ALK: variants seen among roughly 807,000 people sequenced by gnomAD.
ALK encodes the protein ALK tyrosine kinase receptor.
In ALK, 74 loss-of-function variants were observed where a neutral mutation model predicts 163.1. The observed-to-expected ratio is 0.45, with a 90% confidence interval of 0.38 to 0.55. The LOEUF is 0.55. Ranked by LOEUF, ALK falls within the 20% of genes least tolerant of loss-of-function variation. The pLI, the probability that ALK is intolerant of heterozygous loss-of-function variation, is 0.00. For missense variants in ALK, 2,063 were observed against 2,105.3 expected (o/e 0.98, Z 0.39); for synonymous variants, 960 against 843.2 (o/e 1.14, Z -2.40).
chr2:29,853,928 G>A (rs1194336776), intron 1 of ALK, among the ~76,000 whole-genome samples: 1 of 136,876 alleles, frequency 7.3e-6, no homozygotes, highest in African/African-American at 2.7e-5. Context: ...TTTTTTTCCT[G>A]AGACAGAGTC....
chr2:29,399,694 C>T (rs980060741), intron 4 of ALK, among the ~76,000 whole-genome samples: 69 of 152,234 alleles, frequency 4.5e-4, no homozygotes, highest in African/African-American at 1.6e-3. Context: ...GGAGCCTGAC[C>T]GGTGATGTCT....
intron 3 of ALK, among the ~76,000 whole-genome samples, chr2:29,648,336 G>A (rs1320854032): frequency 6.6e-6 from 1 of 151,884 alleles, no homozygotes; most frequent in Non-Finnish European, 1.5e-5. Flanking sequence ...AAAAAATTGT[G>A]GTGAAATATA....
chr2:29,707,089 A>G (rs933010882), intron 2 of ALK, among the ~76,000 whole-genome samples: 1 of 150,774 alleles, frequency 6.6e-6, no homozygotes, highest in Non-Finnish European at 1.5e-5. Context: ...TGAAATCCTT[A>G]GCAGTTGTAT....
intron 1 of ALK, among the ~76,000 whole-genome samples, chr2:29,868,800 T>C (rs567016236): frequency 1.3e-5 from 2 of 152,334 alleles, no homozygotes; most frequent in South Asian, 4.1e-4. Context: ...TTCCCTTATC[T>C]TAAATCTGGA....
At chr2:29,643,243 G>A (rs1487784941) in intron 3 of ALK, among the ~76,000 whole-genome samples, 1 of 152,050 alleles carries the variant, frequency 6.6e-6, no homozygotes, top group Non-Finnish European at 1.5e-5. Flanking sequence ...TTCCAGGGCT[G>A]GTACTGGGAA....
At position 29,489,300 on chromosome 2, in the gene ALK, A is replaced by G. The variant is rs534716213; in HGVS notation, c.1154+42615T>C. 2.0e-5 allele frequency among the ~76,000 whole-genome samples: 3 copies of G among 151,740 alleles called. No individual in the cohort carries two copies. In the South Asian group the frequency reaches 6.2e-4, roughly 32 times the overall value. On this transcript the variant is annotated intron_variant, in intron 4 of 28. Transcript: ENST00000389048. The stretch of plus-strand genomic sequence containing the variant: ...GTATAAGCTCATCCTAGGATGTTAC[A>G]TTATTATTATTACCATTACTTTAGA...
At chr2:29,672,423 G>A (rs1311819273) in intron 3 of ALK, among the ~76,000 whole-genome samples, 15 of 149,642 alleles carry the variant, frequency 1.0e-4, no homozygotes, top group African/African-American at 1.7e-4. Context: ...GAGAATATGC[G>A]GTGTTTGGTT....
chr2:29,306,293 T>C (rs933888952), intron 8 of ALK, among the ~76,000 whole-genome samples: 11 of 152,364 alleles, frequency 7.2e-5, no homozygotes, highest in African/African-American at 1.9e-4. Flanking sequence ...CAGTCACCCC[T>C]GGGCACTAAG....
chr2:29,664,336 C>T (rs1168372806), intron 3 of ALK, among the ~76,000 whole-genome samples: 1 of 152,082 alleles, frequency 6.6e-6, no homozygotes, highest in Non-Finnish European at 1.5e-5. Context: ...TTACTAAATA[C>T]CCAGTTGTCC....
At chr2:29,326,297 A>T (rs1480323110) in intron 6 of ALK, among the ~76,000 whole-genome samples, 2 of 152,208 alleles carry the variant, frequency 1.3e-5, no homozygotes, top group African/African-American at 4.8e-5. Context: ...CTGAAGGTTC[A>T]GGGCTCTAAT....
chr2:29,762,854 C>T (rs1680746971), intron 1 of ALK, among the ~76,000 whole-genome samples: 2 of 151,936 alleles, frequency 1.3e-5, no homozygotes, highest in East Asian at 1.9e-4. Context: ...TTTGAGAGGC[C>T]GAGGCGGGCG....
chr2:29,582,362 T>C (rs141381619), intron 3 of ALK, among the ~76,000 whole-genome samples: 100 of 152,356 alleles, frequency 6.6e-4, no homozygotes, highest in African/African-American at 2.3e-3. Flanking sequence ...CAATCTCATT[T>C]TGTTCAGTAT....
chr2:29,215,797 C>T (rs1005018292), intron 23 of ALK, among the ~76,000 whole-genome samples: 6 of 152,220 alleles, frequency 3.9e-5, no homozygotes, highest in Admixed American at 2.0e-4. Context: ...ATCGAGCTGA[C>T]CCGGGCTCCA....
At chr2:29,685,152 G>A (rs1389500073) in intron 3 of ALK, among the ~76,000 whole-genome samples, 2 of 152,098 alleles carry the variant, frequency 1.3e-5, no homozygotes, top group African/African-American at 2.4e-5. Context: ...GACAGGAAAC[G>A]GGGCTCATTT....
chr2:29,600,410 G>A (rs1397379792), intron 3 of ALK, among the ~76,000 whole-genome samples: 1 of 152,240 alleles, frequency 6.6e-6, no homozygotes, highest in Middle Eastern at 3.2e-3. Flanking sequence ...ATGAGAGGAG[G>A]TGGTTATCAA....
chr2:29,645,696 A>C (rs1200513480), intron 3 of ALK, among the ~76,000 whole-genome samples: 1 of 151,980 alleles, frequency 6.6e-6, no homozygotes. Flanking sequence ...GTGTTGTTCC[A>C]TCCAGTGGTC....
chr2:29,835,879 T>C (rs1259444143), intron 1 of ALK, among the ~76,000 whole-genome samples: 3 of 152,226 alleles, frequency 2.0e-5, no homozygotes, highest in Admixed American at 2.0e-4. Flanking sequence ...TGCGGAACTG[T>C]GAGTCCATTA....
intron 3 of ALK, among the ~76,000 whole-genome samples, chr2:29,602,116 T>C (rs1675395222): frequency 6.6e-6 from 1 of 152,216 alleles, no homozygotes; most frequent in Admixed American, 6.5e-5. Flanking sequence ...AAACTCGATA[T>C]GAATCATATA....
chr2:29,757,715 T>G (rs1680577419), intron 1 of ALK, among the ~76,000 whole-genome samples: 1 of 152,152 alleles, frequency 6.6e-6, no homozygotes. Flanking sequence ...AACATTTTTC[T>G]GTAAAGGGCA....
Sources: gnomAD v4.1 joint callset for allele counts (sites outside exome capture counted in the v4.1 genomes callset) on GRCh38, gnomAD v4.1.1 for gene constraint, MANE v1.5 for transcripts, NCBI Gene and HGNC (gene_info 2026-07-23, HGNC 2026-07-21) for gene names.